Variants in LDLRAD4 observed in about 807,000 individuals in gnomAD.
The protein encoded by LDLRAD4 is low-density lipoprotein receptor class A domain-containing protein 4.
Under a neutral mutation model 17.0 loss-of-function variants are expected in LDLRAD4, and 5 were observed. The observed-to-expected ratio is 0.29, with a 90% CI of 0.15 to 0.62. The LOEUF (loss-of-function observed/expected upper bound fraction) is 0.62, where lower values mean the gene tolerates loss of function less well. Ranked by LOEUF, LDLRAD4 falls within the 20% of genes least tolerant of loss-of-function variation. The pLI is 0.84. For missense variants in LDLRAD4, 340 were observed against 424.7 expected (o/e 0.80, Z 1.75); for synonymous variants, 168 against 171.8 (o/e 0.98, Z 0.17).
At chr18:13,603,318 G>A (rs2095185515) in intron 3 of LDLRAD4, among the ~76,000 whole-genome samples, 1 of 152,134 alleles carries the variant, frequency 6.6e-6, no homozygotes, top group Non-Finnish European at 1.5e-5. Flanking sequence ...AGCTTCCCTG[G>A]TCTCAGAGAA....
At chr18:13,530,295 C>G (rs1202975408) in intron 3 of LDLRAD4, among the ~76,000 whole-genome samples, 2 of 152,172 alleles carry the variant, frequency 1.3e-5, no homozygotes, top group African/African-American at 4.8e-5. Context: ...TCTTCCTCCC[C>G]CAGAAGAAAA....
At chr18:13,509,968 C>T (rs973473100) in intron 3 of LDLRAD4, among the ~76,000 whole-genome samples, 5 of 152,180 alleles carry the variant, frequency 3.3e-5, no homozygotes, top group African/African-American at 1.2e-4. Flanking sequence ...CTTTTTTAGA[C>T]GTAATGCTGT....
At chr18:13,506,808 A>G (rs1212925342) in intron 3 of LDLRAD4, among the ~76,000 whole-genome samples, 1 of 152,216 alleles carries the variant, frequency 6.6e-6, no homozygotes, top group Non-Finnish European at 1.5e-5. Flanking sequence ...CCAGTTGCCA[A>G]CAGACTTTGA....
At chr18:13,529,598 GTGTGGTTTTCATAGTCA>G (rs2094095735) in intron 3 of LDLRAD4, among the ~76,000 whole-genome samples, 1 of 152,216 alleles carries the variant, frequency 6.6e-6, no homozygotes, top group Non-Finnish European at 1.5e-5. Flanking sequence ...ACTTTGTGAA[GTGTGGTTTTCATAGTCA>G]TGTGGACATG....
At chr18:13,537,780 T>TTG (rs1342850807) in intron 3 of LDLRAD4, among the ~76,000 whole-genome samples, 1 of 151,798 alleles carries the variant, frequency 6.6e-6, no homozygotes, top group African/African-American at 2.4e-5. Flanking sequence ...GGCCTGGAAT[T>TTG]TGTGTGTGTG....
At chr18:13,518,450 T>G (rs1045539127) in intron 3 of LDLRAD4, among the ~76,000 whole-genome samples, 3 of 151,522 alleles carry the variant, frequency 2.0e-5, no homozygotes, top group African/African-American at 7.3e-5. Flanking sequence ...GTTCCCAATG[T>G]CTTCTTTTCT....
chr18:13,553,295 T>C (rs909314590), intron 3 of LDLRAD4, among the ~76,000 whole-genome samples: 4 of 152,198 alleles, frequency 2.6e-5, no homozygotes, highest in Non-Finnish European at 5.9e-5. Flanking sequence ...TGTGTACACA[T>C]CATCTCCAGC....
chr18:13,235,592 AC>A (rs2042295507), intron 1 of LDLRAD4, among the ~76,000 whole-genome samples: 1 of 151,464 alleles, frequency 6.6e-6, no homozygotes, highest in Non-Finnish European at 1.5e-5. Flanking sequence ...AAACTGAAAA[AC>A]CCCCCACATT....
chr18:13,473,893 T>C (rs950849925), intron 3 of LDLRAD4, among the ~76,000 whole-genome samples: 1 of 151,676 alleles, frequency 6.6e-6, no homozygotes, highest in African/African-American at 2.4e-5. Context: ...TTTGGCTCTG[T>C]GTCCCACCAG....
chr18:13,298,280 A>G (rs984694723), intron 1 of LDLRAD4, among the ~76,000 whole-genome samples: 8 of 152,240 alleles, frequency 5.3e-5, no homozygotes, highest in Admixed American at 6.5e-5. Context: ...TTAAATGGAA[A>G]TGCACAATGT....
intron 3 of LDLRAD4, among the ~76,000 whole-genome samples, chr18:13,584,125 G>GACCGGC (rs1156382759): frequency 1.6e-4 from 24 of 152,212 alleles, no homozygotes; most frequent in Non-Finnish European, 4.4e-5. Context: ...GAAAGCCTGT[G>GACCGGC]ACCGGCGTCT....
In LDLRAD4 at chr18:13,249,613, TG is replaced by T. The variant is rs990329518; in HGVS notation, c.-466-28491del. On this transcript the variant is annotated intron_variant, in intron 1 of 5. Transcript: ENST00000399848. ...ATTAGATCTTTTTTTTTTTTGCTGT[TG>T]AAATGTTTGAGTTCCTTGTATATTT... 5.3e-5 allele frequency among the ~76,000 whole-genome samples: 8 copies of T among 152,280 alleles called. 1 individual carries two copies. Among genetic ancestry groups the T allele is most frequent in the African/African-American group, 1.9e-4 (8 of 41,564 alleles).
intron 1 of LDLRAD4, among the ~76,000 whole-genome samples, chr18:13,229,438 G>A (rs552650500): frequency 8.5e-5 from 13 of 152,296 alleles, no homozygotes; most frequent in African/African-American, 2.6e-4. Flanking sequence ...CTACCACAGC[G>A]AGTGCTCAGT....
chr18:13,554,971 G>A (rs1236278470), intron 3 of LDLRAD4, among the ~76,000 whole-genome samples: 1 of 152,212 alleles, frequency 6.6e-6, no homozygotes, highest in South Asian at 2.1e-4. Context: ...TGTGCCGGAA[G>A]TGACACTCTA....
chr18:13,616,718 C>T (rs1337048859), intron 3 of LDLRAD4, among the ~76,000 whole-genome samples: 1 of 152,204 alleles, frequency 6.6e-6, no homozygotes, highest in African/African-American at 2.4e-5. Flanking sequence ...TCTTTGTTGC[C>T]TGCAGGAAGA....
chr18:13,314,267 T>C lies in LDLRAD4; in HGVS notation c.-383+36079T>C, dbSNP rs1599338928. 2.6e-5 allele frequency among the ~76,000 whole-genome samples: 4 copies of C among 152,206 alleles called. No homozygotes were observed. The South Asian group carries it at 8.3e-4, about 32-fold the overall frequency. On this transcript the variant is annotated intron_variant, in intron 1 of 5. Coordinates refer to ENST00000359446, the Ensembl canonical transcript of LDLRAD4. ...AGAAAGGAGACTTTAAAAGAGGCAA[T>C]TTTGTTCTGATTTAGTGGAATATTT...
intron 3 of LDLRAD4, chr18:13,464,991 G>A (rs1441148185): frequency 2.0e-5 from 3 of 152,258 alleles, no homozygotes; most frequent in African/African-American, 7.2e-5. Context: ...GCTGTGGCAG[G>A]AGCCGGGAGG....
chr18:13,264,504 G>A (rs2044103090), intron 1 of LDLRAD4, among the ~76,000 whole-genome samples: 1 of 152,260 alleles, frequency 6.6e-6, no homozygotes, highest in Admixed American at 6.5e-5. Context: ...TAGCTAATGG[G>A]GAGTTGACTT....
intron 1 of LDLRAD4, among the ~76,000 whole-genome samples, chr18:13,324,913 T>C (rs1044104340): frequency 1.1e-4 from 17 of 152,202 alleles, no homozygotes; most frequent in African/African-American, 4.1e-4. Context: ...ACTGAATACA[T>C]GTGACATGTG....
Sources: gnomAD v4.1 joint callset for allele counts (sites outside exome capture counted in the v4.1 genomes callset) on GRCh38, gnomAD v4.1.1 for gene constraint, MANE v1.5 for transcripts, NCBI Gene and HGNC (gene_info 2026-07-23, HGNC 2026-07-21) for gene names.